The following SPAG16 variants were observed in gnomAD, a reference collection of about 807,000 sequenced individuals.
The protein encoded by SPAG16 is sperm associated antigen 16, also known as sperm-associated antigen 16 protein.
Under a neutral mutation model 80.4 loss-of-function variants are expected in SPAG16, and 86 were observed. The observed-to-expected ratio is 1.07, with a 90% CI of 0.90 to 1.28. The LOEUF (loss-of-function observed/expected upper bound fraction) is 1.28, where lower values mean the gene tolerates loss of function less well. Among genes scored for constraint, SPAG16 ranks in the 50% most tolerant of loss-of-function variants. The pLI, the probability that SPAG16 is intolerant of heterozygous loss-of-function variation, is 0.00. For synonymous variants in SPAG16, 294 were observed against 265.9 expected (o/e 1.11, Z -1.03); for missense variants, 870 against 765.3 (o/e 1.14, Z -1.61).
intron 15 of SPAG16, among the ~76,000 whole-genome samples, chr2:214,335,120 C>T (rs1472739507): frequency 1.3e-5 from 2 of 152,092 alleles, no homozygotes; most frequent in Admixed American, 6.5e-5. Context: ...TTTGAAGCTG[C>T]GGTGGCCCTT....
chr2:214,319,632 AT>A (rs1018072572), intron 15 of SPAG16, among the ~76,000 whole-genome samples: 10 of 152,244 alleles, frequency 6.6e-5, no homozygotes, highest in Admixed American at 6.5e-4. Flanking sequence ...AATGAAGATT[AT>A]TTTTTTAAAG....
At chr2:214,154,622 C>A (rs577330188) in intron 15 of SPAG16, among the ~76,000 whole-genome samples, 1 of 150,988 alleles carries the variant, frequency 6.6e-6, no homozygotes, top group Admixed American at 6.6e-5. Context: ...AGGAAATTTG[C>A]AGTTAATTCC....
At chr2:214,059,226 ATATATATATATATATGTATG>A (rs2050123409) in intron 13 of SPAG16, among the ~76,000 whole-genome samples, 1 of 115,862 alleles carries the variant, frequency 8.6e-6, no homozygotes, top group Admixed American at 8.8e-5. Context: ...GTATGTGTAT[ATATATATATATATATGTATG>A]TATATATATG....
intron 2 of SPAG16, 95 bp from the exon 3 acceptor site, chr2:213,297,167 C>G (rs758511752): frequency 1.3e-6 from 2 of 1,493,696 alleles, no homozygotes; most frequent in Non-Finnish European, 1.8e-6. Flanking sequence ...TTTCTTTGAT[C>G]CTTTGATTTG....
chr2:214,062,200 C>T (rs2050299205), intron 13 of SPAG16, among the ~76,000 whole-genome samples: 1 of 151,668 alleles, frequency 6.6e-6, no homozygotes, highest in South Asian at 2.1e-4. Flanking sequence ...TGGGCAGATC[C>T]CTTGAGGTCA....
chr2:213,352,249 G>A lies in SPAG16; in HGVS notation c.762+1604G>A, dbSNP rs181564192. Among the ~76,000 whole-genome samples the A allele has an allele frequency of 2.8e-3, 426 of 151,588 alleles. 2 individuals carry two copies. Among genetic ancestry groups the A allele is most frequent in the Admixed American group, 0.012 (190 of 15,220 alleles). ...TATTTCCTCATAGTGGTGTGAGAAT[G>A]AACTAATACAAATGAGTTTAACAAT... On this transcript the variant is annotated intron_variant, in intron 7 of 15. Transcript: ENST00000331683.
At chr2:213,664,296 A>G (rs2063525641) in intron 10 of SPAG16, among the ~76,000 whole-genome samples, 1 of 152,084 alleles carries the variant, frequency 6.6e-6, no homozygotes, top group Admixed American at 6.6e-5. Context: ...CACTTGTGTC[A>G]TGTAAGGTAA....
intron 15 of SPAG16, chr2:214,238,284 G>A (rs1267611015): frequency 7.2e-6 from 2 of 279,140 alleles, no homozygotes; most frequent in East Asian, 1.1e-4. Context: ...CCATCTGCTT[G>A]AGTTAGCACC....
intron 15 of SPAG16, among the ~76,000 whole-genome samples, chr2:214,193,434 AGAGAG>A (rs1559119477): frequency 1.6e-5 from 2 of 125,674 alleles, no homozygotes. Context: ...TATGAGAGAG[AGAGAG>A]AGAGAGAGAG....
At chr2:213,760,075 CAGAA>C (rs1187832453) in intron 10 of SPAG16, among the ~76,000 whole-genome samples, 1 of 151,876 alleles carries the variant, frequency 6.6e-6, no homozygotes, top group Non-Finnish European at 1.5e-5. Context: ...AGTAAAATGA[CAGAA>C]GTAGCTTCCT....
In SPAG16 at chr2:213,616,262, T is replaced by C. The variant is rs567281265; in HGVS notation, c.1070+126172T>C. Among the ~76,000 whole-genome samples the C allele has an allele frequency of 1.7e-3, 260 of 152,336 alleles. 2 individuals carry two copies. Among genetic ancestry groups the C allele is most frequent in the African/African-American group, 5.9e-3 (247 of 41,580 alleles). On this transcript the variant is annotated intron_variant, in intron 10 of 15. Coordinates refer to ENST00000331683, the MANE Select transcript of SPAG16 (RefSeq NM_024532.5). ...GATGTTCTATGATTGAAAAGAAACA[T>C]GCTTCCACAAATTGTTCTAATTTTA...
At chr2:214,105,014 C>T (rs576978365) in intron 13 of SPAG16, among the ~76,000 whole-genome samples, 12 of 152,182 alleles carry the variant, frequency 7.9e-5, no homozygotes, top group African/African-American at 2.6e-4. Context: ...CACAGCTGAA[C>T]GGGAGGTAGC....
intron 15 of SPAG16, among the ~76,000 whole-genome samples, chr2:214,383,590 A>G (rs979622893): frequency 2.0e-5 from 3 of 151,948 alleles, no homozygotes; most frequent in African/African-American, 4.8e-5. Context: ...GAAAAAAGAA[A>G]AAAAAAGACA....
intron 10 of SPAG16, among the ~76,000 whole-genome samples, chr2:213,755,344 G>A (rs189095022): frequency 1.3e-5 from 2 of 152,202 alleles, no homozygotes; most frequent in East Asian, 1.9e-4. Context: ...CTGATATCAT[G>A]TTATATAGAA....
chr2:213,857,677 A>G (rs971867833), intron 10 of SPAG16, among the ~76,000 whole-genome samples: 20 of 152,204 alleles, frequency 1.3e-4, no homozygotes, highest in African/African-American at 2.2e-4. Flanking sequence ...CAGAACATCA[A>G]TTCTGCTTCC....
chr2:214,287,701 C>T (rs1382488770), intron 15 of SPAG16, among the ~76,000 whole-genome samples: 2 of 152,178 alleles, frequency 1.3e-5, no homozygotes, highest in Non-Finnish European at 2.9e-5. Context: ...TAGAAAATTA[C>T]ATCTTGGAAA....
chr2:214,321,996 CT>C (rs548384082), intron 15 of SPAG16, among the ~76,000 whole-genome samples: 22 of 152,144 alleles, frequency 1.4e-4, no homozygotes, highest in Non-Finnish European at 2.6e-4. Context: ...TAATAGATAA[CT>C]TTTAAGTTTC....
At chr2:213,786,425 GAATT>G in intron 10 of SPAG16, among the ~76,000 whole-genome samples, 1 of 152,284 alleles carries the variant, frequency 6.6e-6, no homozygotes, top group East Asian at 1.9e-4. Flanking sequence ...ACATTATTGA[GAATT>G]AATGAATTAT....
intron 10 of SPAG16, among the ~76,000 whole-genome samples, chr2:213,711,867 C>G (rs561062316): frequency 6.6e-6 from 1 of 152,034 alleles, no homozygotes; most frequent in African/African-American, 2.4e-5. Context: ...ACATCTAACA[C>G]TATGTATTCT....
Sources: allele counts gnomAD v4.1 joint callset (sites outside exome capture counted in the v4.1 genomes callset), GRCh38; gene constraint gnomAD v4.1.1; transcripts MANE v1.5; gene names NCBI Gene and HGNC (gene_info 2026-07-23, HGNC 2026-07-21).